Variants in SEC63 observed in about 807,000 individuals in gnomAD.
The protein encoded by SEC63 is translocation protein SEC63 homolog.
SEC63 carries 56 observed loss-of-function variants against 116.2 expected under a neutral mutation model. The observed-to-expected ratio is 0.48, with a 90% CI of 0.39 to 0.60. The LOEUF (loss-of-function observed/expected upper bound fraction) is 0.60. Among genes scored for constraint, SEC63 ranks in the 20% least tolerant of loss-of-function variants. The probability of loss-of-function intolerance (pLI) is 0.00; values close to 1 mark genes in which losing one functional copy is unlikely to be tolerated. For missense variants in SEC63, 668 were observed against 900.0 expected, an observed-to-expected ratio of 0.74 and a Z score of 3.30; for synonymous variants, 273 against 294.6, an observed-to-expected ratio of 0.93 and a Z score of 0.75.
At chr6:107,927,309 G>A (rs777437073) in intron 2 of SEC63, among the ~76,000 whole-genome samples, 8 of 151,944 alleles carry the variant, frequency 5.3e-5, no homozygotes, top group Admixed American at 3.3e-4. Context: ...CAGGGGATCC[G>A]CCCACCTCGG....
At chr6:107,897,190 C>A (rs1432255240) in intron 14 of SEC63, among the ~76,000 whole-genome samples, 1 of 152,020 alleles carries the variant, frequency 6.6e-6, no homozygotes, top group African/African-American at 2.4e-5. Context: ...TTAATTTGTT[C>A]CTATACTTTT....
intron 19 of SEC63, among the ~76,000 whole-genome samples, chr6:107,876,022 A>G (rs920599262): frequency 6.6e-6 from 1 of 152,206 alleles, no homozygotes. Flanking sequence ...TCCACCAAGT[A>G]CAGGCAGACA....
Position 107,881,136 on chromosome 6 carries a change from G to A in SEC63, c.1935+13C>T, listed in dbSNP as rs756890057. On this transcript the variant is annotated intron_variant, in intron 18 of 20. Coordinates refer to ENST00000369002, the MANE Select transcript of SEC63 (RefSeq NM_007214.5). ...AATGGAATAAGGAACACAGTAGCCTGTATATAACTCACCTCAGGAAAGTAA... is the reference window on the plus strand; with the variant it reads ...AATGGAATAAGGAACACAGTAGCCTATATATAACTCACCTCAGGAAAGTAA... 9.1e-6 allele frequency: 14 copies of A among 1,539,300 alleles called. No individual in the cohort carries two copies. In the Admixed American group the frequency reaches 2.3e-4, roughly 26 times the overall value.
chr6:107,927,698 G>A (rs1426578911), intron 2 of SEC63, among the ~76,000 whole-genome samples: 1 of 152,020 alleles, frequency 6.6e-6, no homozygotes, highest in Admixed American at 6.6e-5. Flanking sequence ...AAATACATGC[G>A]TCCCTTGGTA....
At position 107,956,490 on chromosome 6, in the gene SEC63, T is replaced by C. The variant is rs532693007; in HGVS notation, c.124+1396A>G. ...CCTTTTTCAACATCGAGGAAGAACCTACACAATTTAAATGCACTTAGGAAA... is the reference window on the plus strand; with the variant it reads ...CCTTTTTCAACATCGAGGAAGAACCCACACAATTTAAATGCACTTAGGAAA... On this transcript the variant is annotated intron_variant, in intron 1 of 20. Transcript: ENST00000369002. Among the ~76,000 whole-genome samples the C allele has an allele frequency of 1.1e-4, 17 of 152,256 alleles. No individual in the cohort carries two copies. In the East Asian group the frequency reaches 1.9e-3, roughly 17 times the overall value.
In SEC63 at chr6:107,884,632, C is replaced by T. The variant is rs768903650; in HGVS notation, c.1675-1486G>A. On this transcript the variant is annotated intron_variant, in intron 16 of 20. Transcript: ENST00000369002. The stretch of plus-strand genomic sequence containing the variant: ...AGAATTCTTCCAGAGACTAAAAAAA[C>T]AAATCAAAGCTTACACAAACTCTTC... 1.9e-4 allele frequency among the ~76,000 whole-genome samples: 29 copies of T among 151,986 alleles called. 1 individual carries two copies. Among genetic ancestry groups the T allele is most frequent in the Non-Finnish European group, 3.7e-4 (25 of 67,960 alleles).
At position 107,904,619 on chromosome 6, in the gene SEC63, TC is replaced by T; in HGVS notation, c.1054+9del. 6.3e-7 allele frequency: 1 copy of T among 1,585,348 alleles called. No homozygotes were observed. Among genetic ancestry groups the T allele is most frequent in the Non-Finnish European group, 8.7e-7 (1 of 1,153,876 alleles). ...AAAGTATAACATAATTAACTATATT[TC>T]CTCCTCACCTTCACGGTTCCGGGCC... On this transcript the variant is annotated intron_variant, in intron 11 of 20. Transcript: ENST00000369002.
At chr6:107,935,186 C>T (rs1770194578) in intron 1 of SEC63, among the ~76,000 whole-genome samples, 1 of 151,296 alleles carries the variant, frequency 6.6e-6, no homozygotes, top group Non-Finnish European at 1.5e-5. Context: ...CAGCCCCCCG[C>T]CCGGCCAGCC....
chr6:107,874,457 GCA>G (rs1491188386), intron 19 of SEC63, among the ~76,000 whole-genome samples: 32 of 151,966 alleles, frequency 2.1e-4, no homozygotes, highest in East Asian at 9.7e-4. Context: ...TTAGCTGGGT[GCA>G]GTGGCGGGCG....
chr6:107,912,590 A>T, intron 6 of SEC63, 126 bp downstream of exon 6: 1 of 704,898 alleles, frequency 1.4e-6, no homozygotes, highest in Non-Finnish European at 2.6e-6. Flanking sequence ...GTCTCAAATG[A>T]ATGAATGAAT....
chr6:107,885,868 T>A (rs776206359), intron 16 of SEC63, among the ~76,000 whole-genome samples: 103 of 152,274 alleles, frequency 6.8e-4, no homozygotes, highest in Admixed American at 1.4e-3. Flanking sequence ...TGTTTTTTTT[T>A]AAAATTATAC....
In SEC63 at chr6:107,958,118, G is replaced by A. The variant is rs1318546975; in HGVS notation, c.-109C>T. ...GTGGCGTAGCTTGGACACTGCCGCC[G>A]CCGCCTCTCCTCCCCGCCCCCACGC... On this transcript the variant is annotated 5_prime_UTR_variant, in exon 1 of 21. Coordinates refer to ENST00000369002, the MANE Select transcript of SEC63 (RefSeq NM_007214.5). 9 of 1,524,074 alleles carry A rather than the reference G, an allele frequency of 5.9e-6. No individual in the cohort carries two copies. The highest frequency in any genetic ancestry group is 1.4e-5 in the African/African-American group (1 of 72,460). 94.4% of individuals were successfully genotyped at this position (1,524,074 alleles called of 1,614,324 possible).
Position 107,937,663 on chromosome 6 carries a change from A to C in SEC63, c.125-8149T>G, listed in dbSNP as rs528435596. ...TGAACTAGTTTACATTCCCACCAGC[A>C]GCGTATAAGTGTTTCCTTTTCCCTG... On this transcript the variant is annotated intron_variant, in intron 1 of 20. Coordinates refer to ENST00000369002, the MANE Select transcript of SEC63 (RefSeq NM_007214.5). Among the ~76,000 whole-genome samples the C allele has an allele frequency of 2.6e-5, 4 of 152,296 alleles. No individual in the cohort carries two copies. The South Asian group carries it at 8.3e-4, about 32-fold the overall frequency.
chr6:107,877,110 T>C (rs1191420799), intron 18 of SEC63: 1 of 155,902 alleles, frequency 6.4e-6, no homozygotes, highest in Non-Finnish European at 1.4e-5. Flanking sequence ...TATACATATA[T>C]GTGTGTGTGT....
chr6:107,893,722 T>C, intron 15 of SEC63, 67 bp from the exon 16 acceptor site: 2 of 1,603,074 alleles, frequency 1.2e-6, no homozygotes, highest in Non-Finnish European at 8.5e-7. Context: ...TGTAGTAATT[T>C]TTAGGTGGAA....
At chr6:107,912,890 C>A (rs538660087) in intron 5 of SEC63, 116 bp from the exon 6 acceptor site, 25 of 795,044 alleles carry the variant, frequency 3.1e-5, no homozygotes, top group African/African-American at 2.1e-4. Context: ...AACACAAAAA[C>A]AAACTTTGAG....
At chr6:107,918,487 G>A (rs1052624824) in intron 4 of SEC63, among the ~76,000 whole-genome samples, 1 of 152,042 alleles carries the variant, frequency 6.6e-6, no homozygotes, top group Non-Finnish European at 1.5e-5. Context: ...CTGAGGTCAG[G>A]AGTTCAAGAC....
rs549730581 is a variant in SEC63, at chr6:107,869,730, G to A, written c.*1974C>T. ...GGGAAGTACATACACATCACACAAA[G>A]AGAAAAGGAAAACAAACTGGTGGAA... is the stretch of plus-strand genomic sequence containing the variant. On this transcript the variant is annotated 3_prime_UTR_variant, in exon 21 of 21. Coordinates refer to ENST00000369002, the MANE Select transcript of SEC63 (RefSeq NM_007214.5). The A allele has an allele frequency of 5.3e-5, 8 of 150,092 alleles. 1 individual carries two copies. Among genetic ancestry groups the A allele is most frequent in the African/African-American group, 2.0e-4 (8 of 40,902 alleles). The allele number at this position is 150,092 out of a possible 1,614,324, so 9.3% of individuals were successfully genotyped here. A position where few individuals can be genotyped will look rare whatever the true frequency, so the allele number is the denominator to read the frequency against.
chr6:107,902,782 A>C (rs998804649), intron 12 of SEC63, 62 bp downstream of exon 12: 2 of 1,501,360 alleles, frequency 1.3e-6, no homozygotes, highest in African/African-American at 2.8e-5. Flanking sequence ...ACTTTTATTC[A>C]TGTTACCTTT....
Sources: allele counts gnomAD v4.1 joint callset (sites outside exome capture counted in the v4.1 genomes callset), GRCh38; gene constraint gnomAD v4.1.1; transcripts MANE v1.5; gene names NCBI Gene and HGNC (gene_info 2026-07-23, HGNC 2026-07-21).